Variants in ADAD1 observed in about 807,000 individuals in gnomAD.
The protein encoded by ADAD1 is adenosine deaminase domain containing 1.
Under a neutral mutation model 66.8 loss-of-function variants are expected in ADAD1, and 46 were observed. That is an observed-to-expected ratio of 0.69 (90% CI 0.54 to 0.88). The LOEUF (loss-of-function observed/expected upper bound fraction) is 0.88, where lower values mean the gene tolerates loss of function less well. Among genes scored for constraint, ADAD1 ranks in the 40% least tolerant of loss-of-function variants. ADAD1 has a pLI of 0.00. For missense variants in ADAD1, 617 were observed against 681.8 expected (o/e 0.91, Z 1.06); for synonymous variants, 248 against 229.4 (o/e 1.08, Z -0.73).
chr4:122,383,472 G>A (rs546223246), intron 4 of ADAD1, among the ~76,000 whole-genome samples: 41 of 152,234 alleles, frequency 2.7e-4, no homozygotes, highest in Admixed American at 3.9e-4. Flanking sequence ...CTCACTAGCC[G>A]TTTGACAGAT....
intron 10 of ADAD1, among the ~76,000 whole-genome samples, chr4:122,413,169 G>A (rs1329624511): frequency 6.6e-6 from 1 of 152,020 alleles, no homozygotes; most frequent in Non-Finnish European, 1.5e-5. Flanking sequence ...TTATTTCTGA[G>A]GCCTTTCAAT....
intron 7 of ADAD1, among the ~76,000 whole-genome samples, chr4:122,397,174 A>T (rs548792852): frequency 6.6e-6 from 1 of 152,344 alleles, no homozygotes; most frequent in African/African-American, 2.4e-5. Flanking sequence ...AGCACAGATT[A>T]GTCTGTGTAC....
intron 5 of ADAD1, among the ~76,000 whole-genome samples, chr4:122,391,463 A>G (rs1275522280): frequency 6.6e-6 from 1 of 152,214 alleles, no homozygotes; most frequent in Non-Finnish European, 1.5e-5. Flanking sequence ...TACCAGGAAG[A>G]AAGGCTAAGT....
Position 122,411,282 on chromosome 4 carries a change from A to G in ADAD1, c.909A>G (p.Ser303=). The G allele has an allele frequency of 1.2e-6, 2 of 1,611,912 alleles. No homozygotes were observed. Among genetic ancestry groups the G allele is most frequent in the Non-Finnish European group, 1.7e-6 (2 of 1,179,340 alleles). The stretch of plus-strand genomic sequence containing the variant: ...AAAATCCTGCTATGATGGAAAAATC[A>G]ATATTTTGTACAGAACCAACTTCTA... ...YSKNPAMMEK[S]IFCTEPTSNL... is the part of the protein sequence containing the mutation. The change falls in exon 9 of 13, where the codon TCA becomes TCG. Residue 303 remains serine, a synonymous_variant. Coordinates refer to ENST00000296513, the MANE Select transcript of ADAD1 (RefSeq NM_139243.4).
intron 12 of ADAD1, among the ~76,000 whole-genome samples, chr4:122,426,396 G>T (rs1797238799): frequency 1.3e-5 from 2 of 152,114 alleles, no homozygotes; most frequent in African/African-American, 4.8e-5. Flanking sequence ...GGTGAATTCT[G>T]TCAAACATAT....
At chr4:122,422,956 T>TAAAAAAAAAAAAA (rs537676034) in intron 12 of ADAD1, among the ~76,000 whole-genome samples, 1 of 97,198 alleles carries the variant, frequency 1.0e-5, no homozygotes, top group African/African-American at 4.1e-5. Context: ...TATTTCTCTT[T>TAAAAAAAAAAAAA]AAAAAAAAAA....
At chr4:122,384,343 G>A (rs984284952) in intron 5 of ADAD1, among the ~76,000 whole-genome samples, 2 of 152,136 alleles carry the variant, frequency 1.3e-5, no homozygotes, top group South Asian at 4.1e-4. Flanking sequence ...TCAGTAAATG[G>A]TAGAATTACT....
intron 8 of ADAD1, among the ~76,000 whole-genome samples, chr4:122,410,116 G>T (rs758853919): frequency 3.9e-5 from 6 of 152,122 alleles, no homozygotes; most frequent in African/African-American, 9.7e-5. Context: ...TTCTTCACTA[G>T]AGTATTTTAA....
At position 122,424,211 on chromosome 4, in the gene ADAD1, A is replaced by G. The variant is rs1435567059; in HGVS notation, c.1617+2821A>G. Among the ~76,000 whole-genome samples the G allele has an allele frequency of 2.6e-5, 4 of 152,246 alleles. No individual in the cohort carries two copies. In the South Asian group the frequency reaches 8.3e-4, roughly 31 times the overall value. ...TGTTAGCAGTACTTCCCTAAATGGAATTCCAAAGAAAGTACTTGAGGCTTG... is the reference window on the plus strand; with the variant it reads ...TGTTAGCAGTACTTCCCTAAATGGAGTTCCAAAGAAAGTACTTGAGGCTTG... On this transcript the variant is annotated intron_variant, in intron 12 of 12. Transcript: ENST00000296513.
intron 7 of ADAD1, among the ~76,000 whole-genome samples, chr4:122,398,393 G>C (rs1255163124): frequency 1.3e-5 from 2 of 151,886 alleles, no homozygotes; most frequent in Non-Finnish European, 2.9e-5. Context: ...GGGCATTTGG[G>C]CTTGTTCCAT....
At chr4:122,400,190 A>G (rs62321743) in intron 7 of ADAD1, among the ~76,000 whole-genome samples, 12,430 of 152,076 alleles carry the variant, frequency 0.082, 603 homozygotes, top group African/African-American at 0.12. Flanking sequence ...TCCTATGCCA[A>G]TTTTGCTGAG....
chr4:122,416,046 T>G (rs193113732), intron 11 of ADAD1, among the ~76,000 whole-genome samples: 1 of 152,342 alleles, frequency 6.6e-6, no homozygotes, highest in African/African-American at 2.4e-5. Flanking sequence ...CAAATATTAC[T>G]TATGTACCCT....
chr4:122,408,572 G>A (rs976325388), intron 8 of ADAD1, among the ~76,000 whole-genome samples: 7 of 152,116 alleles, frequency 4.6e-5, no homozygotes, highest in Non-Finnish European at 7.4e-5. Context: ...CACCGCACCC[G>A]GCCAAACTCA....
intron 12 of ADAD1, among the ~76,000 whole-genome samples, chr4:122,423,272 G>C (rs1797089155): frequency 6.6e-6 from 1 of 152,172 alleles, no homozygotes; most frequent in Non-Finnish European, 1.5e-5. Flanking sequence ...TGGTAACTTT[G>C]CTGGCCCAAG....
At chr4:122,379,602 C>CCT (rs1794777889) in intron 2 of ADAD1, 157 bp downstream of exon 2, 1 of 155,062 alleles carries the variant, frequency 6.4e-6, no homozygotes, top group African/African-American at 2.4e-5. Flanking sequence ...GCAACGGCGG[C>CCT]GGCGGCCGCC....
At position 122,421,383 on chromosome 4, in the gene ADAD1, C is replaced by T; in HGVS notation, c.1610C>T (p.Ala537Val). ...TTACTTGAAGCTGGTACATATCATG[C>T]AGCTAAGGTAAGTCCTTAAAGGAAT... The part of the protein sequence containing the change: ...KELLEAGTYH[A>V]AKCMSASYQE... Residue 537 changes from alanine (A) to valine (V), a missense_variant, in exon 12 of 13, where the codon GCA becomes GTA. By Grantham distance (64) the Ala-to-Val change is moderately conservative (BLOSUM62 0). Coordinates refer to ENST00000296513, the MANE Select transcript of ADAD1 (RefSeq NM_139243.4). 1 of 1,589,876 alleles carries T rather than the reference C, an allele frequency of 6.3e-7. No homozygotes were observed. Among genetic ancestry groups the T allele is most frequent in the Middle Eastern group, 1.7e-4 (1 of 5,932 alleles).
Position 122,419,714 on chromosome 4 carries a change from G to A in ADAD1, c.1488-1547G>A, listed in dbSNP as rs1005859142. On this transcript the variant is annotated intron_variant, in intron 11 of 12. Transcript: ENST00000296513. ...TTTCTAGGAATACTAAGATAGTAACGTAATAGAAATAATACCAGACTAGAA... is the reference window on the plus strand; with the variant it reads ...TTTCTAGGAATACTAAGATAGTAACATAATAGAAATAATACCAGACTAGAA... 3.3e-5 allele frequency among the ~76,000 whole-genome samples: 5 copies of A among 152,036 alleles called. No homozygotes were observed. In the East Asian group the frequency reaches 9.6e-4, roughly 29 times the overall value.
Position 122,396,451 on chromosome 4 carries a change from C to T in ADAD1, c.724+74C>T. The stretch of plus-strand genomic sequence containing the variant: ...AATATTTTAGTTAACTATCTTTGCC[C>T]CTGTACACAATGGTGTTGCATTGAT... On this transcript the variant is annotated intron_variant, in intron 7 of 12. Coordinates refer to ENST00000296513, the MANE Select transcript of ADAD1 (RefSeq NM_139243.4). 3.1e-6 allele frequency: 4 copies of T among 1,278,216 alleles called. No homozygotes were observed. The South Asian group carries it at 6.8e-5, about 22-fold the overall frequency. 79.2% of individuals were successfully genotyped at this position (1,278,216 alleles called of 1,614,324 possible).
chr4:122,425,044 C>T (rs561885263), intron 12 of ADAD1, among the ~76,000 whole-genome samples: 12 of 151,982 alleles, frequency 7.9e-5, no homozygotes, highest in African/African-American at 2.4e-4. Context: ...ACAACAAAGC[C>T]GTAAAATACA....
Sources: gnomAD v4.1 joint callset for allele counts (sites outside exome capture counted in the v4.1 genomes callset) on GRCh38, gnomAD v4.1.1 for gene constraint, MANE v1.5 for transcripts, NCBI Gene and HGNC (gene_info 2026-07-23, HGNC 2026-07-21) for gene names.